ABHD14A: variants seen among roughly 807,000 people sequenced by gnomAD.
ABHD14A encodes the protein protein ABHD14A.
In ABHD14A, 19 loss-of-function variants were observed where a neutral mutation model predicts 27.0. The observed-to-expected ratio is 0.70, with a 90% CI of 0.49 to 1.03. ABHD14A has a LOEUF of 1.03. Ranked by LOEUF, ABHD14A falls within the 50% of genes least tolerant of loss-of-function variation. The probability of loss-of-function intolerance (pLI) is 0.00; values close to 1 mark genes in which losing one functional copy is unlikely to be tolerated. For synonymous variants in ABHD14A, 148 were observed against 158.8 expected (o/e 0.93, Z 0.51); for missense variants, 311 against 344.6 (o/e 0.90, Z 0.77).
Position 51,975,092 on chromosome 3 carries a change from G to C in ABHD14A, c.-44G>C. 1 of 1,276,300 alleles carries C rather than the reference G, an allele frequency of 7.8e-7. No individual in the cohort carries two copies. 79.1% of individuals were successfully genotyped at this position (1,276,300 alleles called of 1,614,324 possible). Reference sequence around the variant, plus strand: ...GGCGCGCCGAGATGGCCGCGCTCCTGGCCGCCTAGAGCCGGAGCGGCCCGC... The same window carrying C: ...GGCGCGCCGAGATGGCCGCGCTCCTCGCCGCCTAGAGCCGGAGCGGCCCGC... On this transcript the variant is annotated 5_prime_UTR_variant, in exon 1 of 5. Coordinates refer to ENST00000273596, the MANE Select transcript of ABHD14A (RefSeq NM_015407.5).
chr3:51,978,051 C>T lies in ABHD14A; in HGVS notation c.250C>T (p.Arg84Cys), dbSNP rs751690320. 30 of 1,613,870 alleles carry T rather than the reference C, an allele frequency of 1.9e-5. No homozygotes were observed. Among genetic ancestry groups the T allele is most frequent in the Admixed American group, 8.3e-5 (5 of 60,000 alleles). The change falls in exon 2 of 5, where the codon CGC becomes TGC. Residue 84 changes from arginine (R) to cysteine (C), a missense_variant. Physicochemically the swap from Arg to Cys is radical, Grantham distance 180. Transcript: ENST00000273596. ...LTPGNSPIFY[R>C]EVLPLNQAHR... The stretch of plus-strand genomic sequence containing the variant: ...CCCTGGCAACTCGCCCATCTTTTAC[C>T]GCGAGGTGCTCCCACTCAACCAGGC...
intron 3 of ABHD14A, 150 bp downstream of exon 3, chr3:51,978,524 G>T: frequency 3.8e-6 from 2 of 520,280 alleles, no homozygotes; most frequent in Non-Finnish European, 6.7e-6. Flanking sequence ...GAAAACTACA[G>T]TGTGAATTCT....
Position 51,977,859 on chromosome 3 carries a change from C to G in ABHD14A, c.70-12C>G. Reference sequence around the variant, plus strand: ...AGTTCCAGCCTCTTTTCCCTCTCCTCTCCCTCTCCAGACTGTGGTACAGAC... The same window carrying G: ...AGTTCCAGCCTCTTTTCCCTCTCCTGTCCCTCTCCAGACTGTGGTACAGAC... On this transcript the variant is annotated splice_polypyrimidine_tract_variant and intron_variant, in intron 1 of 4. Transcript: ENST00000273596. 1 of 1,605,146 alleles carries G rather than the reference C, an allele frequency of 6.2e-7. No homozygotes were observed. Among genetic ancestry groups the G allele is most frequent in the Non-Finnish European group, 8.5e-7 (1 of 1,172,826 alleles).
intron 3 of ABHD14A, 56 bp downstream of exon 3, chr3:51,978,430 T>C: frequency 7.1e-7 from 1 of 1,411,182 alleles, no homozygotes; most frequent in Non-Finnish European, 9.8e-7. Flanking sequence ...GGGAGGCAAC[T>C]GGACCCTAGG....
intron 3 of ABHD14A, among the ~76,000 whole-genome samples, chr3:51,979,921 T>G (rs1015676672): frequency 6.6e-6 from 1 of 152,124 alleles, no homozygotes; most frequent in Non-Finnish European, 1.5e-5. Flanking sequence ...ATTTATTTTT[T>G]ATTTTATTTT....
In ABHD14A at chr3:51,981,067, A is replaced by C; in HGVS notation, c.*49A>C. 6.3e-7 allele frequency: 1 copy of C among 1,575,166 alleles called. No individual in the cohort carries two copies. Among genetic ancestry groups the C allele is most frequent in the Non-Finnish European group, 8.7e-7 (1 of 1,151,478 alleles). On this transcript the variant is annotated 3_prime_UTR_variant, in exon 5 of 5. Transcript: ENST00000273596. ...CCTGGCATGAGCTTGGACAGTCTGG[A>C]CCGCCACCCTCCCTGAACCAGGGAG... is the stretch of plus-strand genomic sequence containing the variant.
intron 3 of ABHD14A, among the ~76,000 whole-genome samples, chr3:51,979,177 T>G (rs897259857): frequency 6.6e-6 from 1 of 152,206 alleles, no homozygotes; most frequent in Non-Finnish European, 1.5e-5. Flanking sequence ...GTATCCTGTC[T>G]GCTTAGCACA....
chr3:51,975,961 A>G (rs1343776821), intron 1 of ABHD14A, among the ~76,000 whole-genome samples: 1 of 152,176 alleles, frequency 6.6e-6, no homozygotes, highest in Non-Finnish European at 1.5e-5. Flanking sequence ...CCCCCCGCAA[A>G]CCCCCGCAGG....
At position 51,980,853 on chromosome 3, in the gene ABHD14A, G is replaced by A. The variant is rs754974945; in HGVS notation, c.651G>A (p.Leu217=). The change falls in exon 5 of 5, where the codon CTG becomes CTA. Residue 217 remains leucine, a synonymous_variant. Coordinates refer to ENST00000273596, the MANE Select transcript of ABHD14A (RefSeq NM_015407.5). ...FWAVKTPTLI[L]YGELDHILAR... is the part of the protein sequence containing the mutation. ...CCCTGCAGACTCCAACCCTTATCCTGTATGGAGAGCTGGACCACATCCTGG... is the reference window on the plus strand; with the variant it reads ...CCCTGCAGACTCCAACCCTTATCCTATATGGAGAGCTGGACCACATCCTGG... 1.2e-6 allele frequency: 2 copies of A among 1,613,980 alleles called. No homozygotes were observed. The highest frequency in any genetic ancestry group is 2.2e-5 in the East Asian group (1 of 44,878).
Position 51,977,395 on chromosome 3 carries a change from T to A in ABHD14A, c.70-476T>A, listed in dbSNP as rs1038642841. Among the ~76,000 whole-genome samples the A allele has an allele frequency of 4.6e-5, 7 of 152,260 alleles. No individual in the cohort carries two copies. In the South Asian group the frequency reaches 1.2e-3, roughly 27 times the overall value. ...GTGTGGCCTGGTAGTTAGAAGCCCA[T>A]TCCTAGGTTCAAACCCCAATTCCCC... On this transcript the variant is annotated intron_variant, in intron 1 of 4. Coordinates refer to ENST00000273596, the MANE Select transcript of ABHD14A (RefSeq NM_015407.5).
In ABHD14A at chr3:51,975,195, G is replaced by C; in HGVS notation, c.60G>C (p.Pro20=). 3 of 1,270,480 alleles carry C rather than the reference G, an allele frequency of 2.4e-6. No homozygotes were observed. Among genetic ancestry groups the C allele is most frequent in the Admixed American group, 8.1e-5 (2 of 24,600 alleles). The allele number at this position is 1,270,480 out of a possible 1,614,324, so 78.7% of individuals were successfully genotyped here. A position where few individuals can be genotyped will look rare whatever the true frequency, so the allele number is the denominator to read the frequency against. ...TGGGCGGGGCCCGCCCGCTCATCCC[G>C]TTGGGCCCGGTGAGTCTCCCGGGGG... ...FRLGGARPLI[P]LGPTVVQTSM... The change falls in exon 1 of 5, where the codon CCG becomes CCC. Residue 20 remains proline, a synonymous_variant. Transcript: ENST00000273596.
At chr3:51,976,513 A>G (rs921916909) in intron 1 of ABHD14A, among the ~76,000 whole-genome samples, 8 of 151,774 alleles carry the variant, frequency 5.3e-5, no homozygotes, top group African/African-American at 1.7e-4. Context: ...TGTCTCTACT[A>G]AAAAATACAA....
chr3:51,980,504 CCT>C lies in ABHD14A; in HGVS notation c.511_512del (p.Ser171AlafsTer97), dbSNP rs1700889359. 9.9e-6 allele frequency: 16 copies of C among 1,614,038 alleles called. No homozygotes were observed. The East Asian group carries it at 3.3e-4, about 34-fold the overall frequency. ...GTACAGAATGCCGTGTTGGTGAGCC[CCT>C]CGCTGAGTGGCCACTATGCCCTGCC... On this transcript the variant is annotated frameshift_variant, in exon 4 of 5. Transcript: ENST00000273596. LOFTEE classifies it high-confidence loss of function.
At chr3:51,977,588 G>A (rs1304758331) in intron 1 of ABHD14A, among the ~76,000 whole-genome samples, 4 of 152,364 alleles carry the variant, frequency 2.6e-5, no homozygotes, top group Non-Finnish European at 4.4e-5. Context: ...CTTGATGAAC[G>A]GAAGTGGTTT....
intron 1 of ABHD14A, among the ~76,000 whole-genome samples, chr3:51,976,189 C>T (rs1700784953): frequency 6.6e-6 from 1 of 152,238 alleles, no homozygotes; most frequent in Non-Finnish European, 1.5e-5. Flanking sequence ...AAGAGGAACG[C>T]GCTCTTCCTC....
At position 51,980,575 on chromosome 3, in the gene ABHD14A, A is replaced by T; in HGVS notation, c.580A>T (p.Ile194Phe). Residue 194 changes from isoleucine (I) to phenylalanine (F), a missense_variant, in exon 4 of 5, where the codon ATC becomes TTC. Transcript: ENST00000273596. ...GHHQLHGFVP[I>F]APTSTQNYTQ... ...CCACCAGCTACATGGATTTGTGCCC[A>T]TCGCACCCACCTCCACCCAGAACTA... The T allele has an allele frequency of 6.2e-7, 1 of 1,613,918 alleles. No homozygotes were observed. Among genetic ancestry groups the T allele is most frequent in the African/African-American group, 1.3e-5 (1 of 75,002 alleles).
In ABHD14A at chr3:51,980,545, G is replaced by C; in HGVS notation, c.550G>C (p.Gly184Arg). The change falls in exon 4 of 5, where the codon GGC (glycine) becomes CGC (arginine). Residue 184 changes from glycine (G) to arginine (R), a missense_variant. Gly to Arg is a moderately radical substitution (Grantham distance 125). Coordinates refer to ENST00000273596, the MANE Select transcript of ABHD14A (RefSeq NM_015407.5). ...CTATGCCCTGCCCTTCCTGATGCGAGGCCACCACCAGCTACATGGATTTGT... is the reference window on the plus strand; with the variant it reads ...CTATGCCCTGCCCTTCCTGATGCGACGCCACCACCAGCTACATGGATTTGT... ...GHYALPFLMRGHHQLHGFVPI... is the reference protein window; with the variant it reads ...GHYALPFLMRRHHQLHGFVPI... The C allele has an allele frequency of 1.9e-6, 3 of 1,614,132 alleles. No individual in the cohort carries two copies. Among genetic ancestry groups the C allele is most frequent in the Non-Finnish European group, 2.5e-6 (3 of 1,180,038 alleles).
At position 51,975,098 on chromosome 3, in the gene ABHD14A, C is replaced by T. The variant is rs1700754733; in HGVS notation, c.-38C>T. 4 of 1,283,774 alleles carry T rather than the reference C, an allele frequency of 3.1e-6. No individual in the cohort carries two copies. The highest frequency in any genetic ancestry group is 3.9e-6 in the Non-Finnish European group (4 of 1,015,030). The allele number at this position is 1,283,774 out of a possible 1,614,324, so 79.5% of individuals were successfully genotyped here. On this transcript the variant is annotated 5_prime_UTR_variant, in exon 1 of 5. Coordinates refer to ENST00000273596, the MANE Select transcript of ABHD14A (RefSeq NM_015407.5). The stretch of plus-strand genomic sequence containing the variant: ...CCGAGATGGCCGCGCTCCTGGCCGC[C>T]TAGAGCCGGAGCGGCCCGCGGAGCT...
Position 51,975,065 on chromosome 3 carries a change from C to T in ABHD14A, c.-71C>T. ...TGCAGGCCCGCGGCTGCGGAGTGCGCAGGCGCGCCGAGATGGCCGCGCTCC... is the reference window on the plus strand; with the variant it reads ...TGCAGGCCCGCGGCTGCGGAGTGCGTAGGCGCGCCGAGATGGCCGCGCTCC... On this transcript the variant is annotated 5_prime_UTR_variant, in exon 1 of 5. Transcript: ENST00000273596. The T allele has an allele frequency of 7.9e-7, 1 of 1,262,914 alleles. No homozygotes were observed. Among genetic ancestry groups the T allele is most frequent in the Non-Finnish European group, 1.0e-6 (1 of 1,003,392 alleles). The allele number at this position is 1,262,914 out of a possible 1,614,324, so 78.2% of individuals were successfully genotyped here.
Sources: gnomAD v4.1 joint callset for allele counts (sites outside exome capture counted in the v4.1 genomes callset) on GRCh38, gnomAD v4.1.1 for gene constraint, MANE v1.5 for transcripts, NCBI Gene and HGNC (gene_info 2026-07-23, HGNC 2026-07-21) for gene names.